Variants in RELN observed in about 807,000 individuals in gnomAD.
RELN encodes reelin.
Under a neutral mutation model 427.6 loss-of-function variants are expected in RELN, and 108 were observed. That is an observed-to-expected ratio of 0.25 (90% CI 0.22 to 0.30). RELN has a LOEUF of 0.30. RELN is among the 10% of genes least tolerant of loss of function. The probability of loss-of-function intolerance (pLI) is 1.00; values close to 1 mark genes in which losing one functional copy is unlikely to be tolerated. For missense variants in RELN, 3,715 were observed against 4,302.8 expected (o/e 0.86, Z 3.82); for synonymous variants, 1,524 against 1,513.4 (o/e 1.01, Z -0.16).
rs143038316 is a variant in RELN, at chr7:103,862,565, T to G, written c.338-28893A>C. Among the ~76,000 whole-genome samples the G allele has an allele frequency of 3.4e-3, 515 of 152,160 alleles. 2 individuals carry two copies. The highest frequency in any genetic ancestry group is 0.017 in the Middle Eastern group (5 of 294). ...TCTCATGCCTCTTTATCTTATTTTT[T>G]CCCCATTTCTCTTTTAGTGTTTTCA... On this transcript the variant is annotated intron_variant, in intron 2 of 64. Transcript: ENST00000428762.
chr7:103,700,271 G>A (rs1333735501), intron 9 of RELN, among the ~76,000 whole-genome samples: 1 of 152,020 alleles, frequency 6.6e-6, no homozygotes, highest in African/African-American at 2.4e-5. Context: ...GTTCAGTAGT[G>A]GCAAACATAA....
At position 103,474,033 on chromosome 7, in the gene RELN, G is replaced by T. The variant is rs187831716; in HGVS notation, c.10287-1125C>A. On this transcript the variant is annotated intron_variant, in intron 64 of 64. Coordinates refer to ENST00000428762, the MANE Select transcript of RELN (RefSeq NM_005045.4). ...GGGGGAAAGGGTAATTTTGTTCTGA[G>T]CAGTATAAGCTGCATTATCAATCAT... is the stretch of plus-strand genomic sequence containing the variant. Among the ~76,000 whole-genome samples, 4 of 152,162 alleles carry T rather than the reference G, an allele frequency of 2.6e-5. 1 individual carries two copies. Among genetic ancestry groups the T allele is most frequent in the Admixed American group, 2.6e-4 (4 of 15,280 alleles).
At chr7:103,492,584 T>C (rs1828708640) in intron 57 of RELN, among the ~76,000 whole-genome samples, 1 of 152,222 alleles carries the variant, frequency 6.6e-6, no homozygotes, top group South Asian at 2.1e-4. Context: ...CCTAATCATC[T>C]ATTTAATCAT....
At chr7:103,708,481 T>TTTTTTTTTTTTTTTTTTTTTTTTTG (rs1203595442) in intron 8 of RELN, among the ~76,000 whole-genome samples, 1 of 148,620 alleles carries the variant, frequency 6.7e-6, no homozygotes, top group African/African-American at 2.5e-5. Context: ...TTTTTTTTTT[T>TTTTTTTTTTTTTTTTTTTTTTTTTG]GAGACGGAGT....
intron 3 of RELN, among the ~76,000 whole-genome samples, chr7:103,777,196 C>A (rs1205622948): frequency 6.6e-6 from 1 of 151,958 alleles, no homozygotes; most frequent in African/African-American, 2.4e-5. Context: ...TTACTTCTTC[C>A]AATCAAAGCT....
rs1320344281 is a variant in RELN at position 103,775,249 on chromosome 7, C to T, written c.544+1308G>A. On this transcript the variant is annotated intron_variant, in intron 4 of 64. Coordinates refer to ENST00000428762, the MANE Select transcript of RELN (RefSeq NM_005045.4). ...TATTATGATCAAATTCTTGAGCCTA[C>T]CTACAAAGGCACATTTTAATATCTG... 2.6e-5 allele frequency among the ~76,000 whole-genome samples: 4 copies of T among 152,134 alleles called. No individual in the cohort carries two copies. The East Asian group carries it at 7.7e-4, about 29-fold the overall frequency.
intron 3 of RELN, among the ~76,000 whole-genome samples, chr7:103,778,442 G>A (rs564239897): frequency 9.9e-5 from 15 of 152,150 alleles, no homozygotes; most frequent in Admixed American, 9.2e-4. Flanking sequence ...GTTGTCTTCT[G>A]GTTCTAAGTA....
intron 10 of RELN, among the ~76,000 whole-genome samples, chr7:103,689,919 G>A (rs1269601323): frequency 6.6e-6 from 1 of 152,066 alleles, no homozygotes; most frequent in Non-Finnish European, 1.5e-5. Context: ...TATTTGAGGA[G>A]TTGGGAAGAG....
intron 4 of RELN, among the ~76,000 whole-genome samples, chr7:103,757,036 C>T (rs1024261600): frequency 6.6e-6 from 1 of 152,242 alleles, no homozygotes; most frequent in African/African-American, 2.4e-5. Context: ...ATCTTTTCCA[C>T]ATTTACTGAG....
In RELN at chr7:103,914,356, G is replaced by A. The variant is rs80247740; in HGVS notation, c.337+2719C>T. On this transcript the variant is annotated intron_variant, in intron 2 of 64. Transcript: ENST00000428762. Reference sequence around the variant, plus strand: ...ACAAACTGACAAACCATCAAATGATGGTTCCCCGCAATGACAAATGATAGT... The same window carrying A: ...ACAAACTGACAAACCATCAAATGATAGTTCCCCGCAATGACAAATGATAGT... Among the ~76,000 whole-genome samples, 566 of 152,004 alleles carry A rather than the reference G, an allele frequency of 3.7e-3. 11 individuals are homozygous for A. In the East Asian group the frequency reaches 0.059, roughly 16 times the overall value.
At chr7:103,933,778 G>C (rs367992890) in intron 1 of RELN, among the ~76,000 whole-genome samples, 103 of 152,256 alleles carry the variant, frequency 6.8e-4, no homozygotes, top group African/African-American at 2.3e-3. Context: ...AGGCTGGAAA[G>C]GCTAACTTTC....
At chr7:103,598,521 T>C (rs1262977948) in intron 24 of RELN, among the ~76,000 whole-genome samples, 2 of 152,130 alleles carry the variant, frequency 1.3e-5, no homozygotes, top group Non-Finnish European at 2.9e-5. Flanking sequence ...AGGATAAAGA[T>C]CTAAGGTGAG....
rs1797186392 is a variant in RELN, at chr7:103,989,629, C to T, written c.-273G>A. 2.9e-6 allele frequency: 1 copy of T among 347,438 alleles called. No homozygotes were observed. Among genetic ancestry groups the T allele is most frequent in the African/African-American group, 2.2e-5 (1 of 45,862 alleles). 21.5% of individuals were successfully genotyped at this position (347,438 alleles called of 1,614,324 possible). Reference sequence around the variant, plus strand: ...TGCCGCCTCCGTGCGCCGCCGCCGCCTCTGCGCGACGCCCCTCGGCCAGGC... The same window carrying T: ...TGCCGCCTCCGTGCGCCGCCGCCGCTTCTGCGCGACGCCCCTCGGCCAGGC... On this transcript the variant is annotated 5_prime_UTR_variant, in exon 1 of 65. Transcript: ENST00000428762. This position sits in a 1 kb window ranked among gnomAD's most constrained non-coding sequence, Gnocchi z 4.9.
At chr7:103,827,639 A>C (rs780245100) in intron 3 of RELN, among the ~76,000 whole-genome samples, 1 of 151,968 alleles carries the variant, frequency 6.6e-6, no homozygotes, top group African/African-American at 2.4e-5. Context: ...AAATGTGATG[A>C]AAAACAGGGG....
At chr7:103,596,394 A>G in intron 25 of RELN, 62 bp downstream of exon 25, 1 of 1,423,262 alleles carries the variant, frequency 7.0e-7, no homozygotes, top group Non-Finnish European at 9.9e-7. Flanking sequence ...AAACACATCA[A>G]CAATGATTTA....
rs566406010 is a variant in RELN at position 103,947,521 on chromosome 7, A to G, written c.227-30336T>C. 2.0e-5 allele frequency among the ~76,000 whole-genome samples: 3 copies of G among 152,336 alleles called. No individual in the cohort carries two copies. In the South Asian group the frequency reaches 6.2e-4, roughly 32 times the overall value. ...AAAGATAGCCATCTACAAGCCAAGG[A>G]AAAAGGCCTGGAATAGATCATTCTC... On this transcript the variant is annotated intron_variant, in intron 1 of 64. Transcript: ENST00000428762.
At chr7:103,691,219 T>TA (rs1833864474) in intron 10 of RELN, among the ~76,000 whole-genome samples, 2 of 152,180 alleles carry the variant, frequency 1.3e-5, no homozygotes, top group Non-Finnish European at 2.9e-5. Context: ...TGAAGCTAAT[T>TA]ACTCTATTTG....
chr7:103,473,531 C>A (rs571090525), intron 64 of RELN, among the ~76,000 whole-genome samples: 5 of 152,282 alleles, frequency 3.3e-5, no homozygotes, highest in African/African-American at 1.2e-4. Context: ...AGGAAAGAGA[C>A]ACTCCACTGA....
chr7:103,617,113 T>G (rs1187608815), intron 20 of RELN, among the ~76,000 whole-genome samples: 1 of 152,152 alleles, frequency 6.6e-6, no homozygotes, highest in Non-Finnish European at 1.5e-5. Context: ...TAATCTACAT[T>G]TTTTGATTAT....
Sources: allele counts gnomAD v4.1 joint callset (sites outside exome capture counted in the v4.1 genomes callset), GRCh38; gene constraint gnomAD v4.1.1; non-coding constraint Gnocchi (gnomAD v3.1); transcripts MANE v1.5; gene names NCBI Gene and HGNC (gene_info 2026-07-23, HGNC 2026-07-21).